Variants in PPP4R4 observed in about 807,000 individuals in gnomAD.
PPP4R4 encodes the protein protein phosphatase 4 regulatory subunit 4.
In PPP4R4, 70 loss-of-function variants were observed where a neutral mutation model predicts 121.8. The observed-to-expected ratio is 0.57, with a 90% CI of 0.47 to 0.70. PPP4R4 has a LOEUF of 0.70. Among genes scored for constraint, PPP4R4 ranks in the 30% least tolerant of loss-of-function variants. PPP4R4 has a pLI of 0.00. For missense variants in PPP4R4, 875 were observed against 1,033.6 expected (o/e 0.85, Z 2.10); for synonymous variants, 348 against 355.7 (o/e 0.98, Z 0.24).
At chr14:94,223,618 C>G (rs142186971) in intron 3 of PPP4R4, among the ~76,000 whole-genome samples, 1 of 152,156 alleles carries the variant, frequency 6.6e-6, no homozygotes, top group Non-Finnish European at 1.5e-5. Context: ...TATTTGTTGT[C>G]TCTTAGATCT....
At chr14:94,224,500 A>G (rs1367512438) in intron 3 of PPP4R4, among the ~76,000 whole-genome samples, 1 of 152,176 alleles carries the variant, frequency 6.6e-6, no homozygotes, top group Non-Finnish European at 1.5e-5. Flanking sequence ...AACCAGGACT[A>G]TATGAGCAAT....
At chr14:94,264,734 C>A in intron 19 of PPP4R4, 144 bp from the exon 20 acceptor site, 1 of 656,312 alleles carries the variant, frequency 1.5e-6, no homozygotes, top group Non-Finnish European at 2.7e-6. Flanking sequence ...ACCCTGAATT[C>A]TTTAGACACT....
intron 23 of PPP4R4, among the ~76,000 whole-genome samples, chr14:94,273,738 A>G (rs1007156288): frequency 6.6e-6 from 1 of 152,128 alleles, no homozygotes; most frequent in African/African-American, 2.4e-5. Flanking sequence ...CTTCCACTCA[A>G]TTGTGCTGTA....
At chr14:94,213,598 A>C (rs565542162) in intron 3 of PPP4R4, among the ~76,000 whole-genome samples, 1 of 152,314 alleles carries the variant, frequency 6.6e-6, no homozygotes, top group African/African-American at 2.4e-5. Flanking sequence ...AAATGCCATC[A>C]CATGTGTCCT....
In PPP4R4 at chr14:94,237,576, C is replaced by G. The variant is rs752895440; in HGVS notation, c.743C>G (p.Thr248Arg). The G allele has an allele frequency of 1.2e-6, 2 of 1,612,262 alleles. No individual in the cohort carries two copies. Among genetic ancestry groups the G allele is most frequent in the Non-Finnish European group, 1.7e-6 (2 of 1,178,388 alleles). The part of the protein sequence containing the change: ...NIAQGIGTEL[T>R]KSVVLPELIE... The stretch of plus-strand genomic sequence containing the variant: ...TGCTTATTGTGCAGGACAGAACTTA[C>G]AAAAAGTGTGGTGCTCCCTGAATTA... The change falls in exon 8 of 25, where the codon ACA becomes AGA. Residue 248 changes from threonine (T) to arginine (R), a missense_variant. Physicochemically the swap from Thr to Arg is moderately conservative, Grantham distance 71 (BLOSUM62 -1). Transcript: ENST00000304338.
chr14:94,277,221 A>G (rs1192952782), intron 24 of PPP4R4, among the ~76,000 whole-genome samples: 3 of 152,328 alleles, frequency 2.0e-5, no homozygotes, highest in East Asian at 3.9e-4. Flanking sequence ...GAATCGCTTC[A>G]ACCCGGGAGG....
intron 2 of PPP4R4, among the ~76,000 whole-genome samples, chr14:94,199,499 C>G (rs1385857147): frequency 1.3e-5 from 2 of 152,142 alleles, no homozygotes; most frequent in Non-Finnish European, 2.9e-5. Context: ...CAATTAGACC[C>G]TTGCCTTATT....
chr14:94,241,565 T>C (rs1374648354), intron 9 of PPP4R4, among the ~76,000 whole-genome samples: 1 of 152,120 alleles, frequency 6.6e-6, no homozygotes. Context: ...ATGTAAGTTA[T>C]ACTTTTGAAA....
At chr14:94,259,733 C>G (rs1893674605) in intron 19 of PPP4R4, among the ~76,000 whole-genome samples, 1 of 152,204 alleles carries the variant, frequency 6.6e-6, no homozygotes, top group African/African-American at 2.4e-5. Context: ...TCCCCAACAA[C>G]CAATGATATA....
At chr14:94,217,061 G>A (rs1385562326) in intron 3 of PPP4R4, among the ~76,000 whole-genome samples, 1 of 152,092 alleles carries the variant, frequency 6.6e-6, no homozygotes, top group Non-Finnish European at 1.5e-5. Flanking sequence ...ACATTCCTGA[G>A]GCCCAGGCTC....
chr14:94,202,355 A>G (rs756092061), intron 2 of PPP4R4, among the ~76,000 whole-genome samples: 2 of 152,250 alleles, frequency 1.3e-5, no homozygotes. Context: ...TCTGTTTGTT[A>G]AAAATTACAT....
chr14:94,175,138 C>T (rs2139362680), intron 1 of PPP4R4, among the ~76,000 whole-genome samples: 1 of 150,888 alleles, frequency 6.6e-6, no homozygotes, highest in Non-Finnish European at 1.5e-5. Context: ...CTCCCGGAGA[C>T]ACCACCCCGC....
chr14:94,182,521 A>G (rs1889048685), intron 2 of PPP4R4, among the ~76,000 whole-genome samples: 1 of 152,092 alleles, frequency 6.6e-6, no homozygotes, highest in Non-Finnish European at 1.5e-5. Flanking sequence ...AGTAGGAAGC[A>G]CTCTGTGTAC....
intron 2 of PPP4R4, among the ~76,000 whole-genome samples, chr14:94,183,482 A>G (rs2139383637): frequency 1.3e-5 from 2 of 152,316 alleles, no homozygotes; most frequent in African/African-American, 4.8e-5. Context: ...TGTTTTGGAA[A>G]AGTACGAGGT....
intron 3 of PPP4R4, among the ~76,000 whole-genome samples, chr14:94,211,842 T>G (rs907672612): frequency 6.6e-6 from 1 of 152,106 alleles, no homozygotes; most frequent in African/African-American, 2.4e-5. Context: ...CGTAACAGAT[T>G]GGGTTTGTGA....
At chr14:94,190,181 G>C (rs1305517497) in intron 2 of PPP4R4, among the ~76,000 whole-genome samples, 3 of 151,652 alleles carry the variant, frequency 2.0e-5, no homozygotes, top group Non-Finnish European at 4.4e-5. Flanking sequence ...CACCTGGTTT[G>C]TTTGTTTGTT....
chr14:94,275,292 C>CT, intron 23 of PPP4R4, 82 bp from the exon 24 acceptor site: 1 of 1,434,902 alleles, frequency 7.0e-7, no homozygotes, highest in African/African-American at 1.4e-5. Context: ...AAAAAGTTAG[C>CT]TATCATTAAC....
intron 2 of PPP4R4, among the ~76,000 whole-genome samples, chr14:94,185,934 A>G (rs1277601170): frequency 1.3e-5 from 2 of 152,228 alleles, no homozygotes; most frequent in Non-Finnish European, 2.9e-5. Flanking sequence ...AGCCACTGGT[A>G]TCTCTTTGCA....
At chr14:94,247,318 T>A (rs891254980) in intron 14 of PPP4R4, among the ~76,000 whole-genome samples, 1 of 152,254 alleles carries the variant, frequency 6.6e-6, no homozygotes, top group Non-Finnish European at 1.5e-5. Context: ...GGGCAGATGC[T>A]GAGTTGGGGT....
Sources: allele counts gnomAD v4.1 joint callset (sites outside exome capture counted in the v4.1 genomes callset), GRCh38; gene constraint gnomAD v4.1.1; transcripts MANE v1.5; gene names NCBI Gene and HGNC (gene_info 2026-07-23, HGNC 2026-07-21).